CSMD1: variants seen among roughly 807,000 people sequenced by gnomAD.
CSMD1 encodes the protein CUB and Sushi multiple domains 1.
A neutral mutation model predicts 417.5 loss-of-function variants in CSMD1; 213 were observed. The observed-to-expected ratio is 0.51, with a 90% CI of 0.46 to 0.57. CSMD1 has a LOEUF of 0.57. CSMD1 is among the 20% of genes least tolerant of loss of function. The probability of loss-of-function intolerance (pLI) is 0.00; values close to 1 mark genes in which losing one functional copy is unlikely to be tolerated. For missense variants in CSMD1, 6,923 were observed against 4,529.7 expected, an observed-to-expected ratio of 1.53 and a Z score of -15.17; for synonymous variants, 2,862 against 1,736.8, an observed-to-expected ratio of 1.65 and a Z score of -16.11.
At chr8:4,018,429 T>A (rs987041346) in intron 4 of CSMD1, among the ~76,000 whole-genome samples, 2 of 152,268 alleles carry the variant, frequency 1.3e-5, no homozygotes, top group African/African-American at 4.8e-5. Flanking sequence ...CAGTTTGCAA[T>A]CTCTGAGTAG....
intron 2 of CSMD1, among the ~76,000 whole-genome samples, chr8:4,431,387 G>A (rs1050924618): frequency 3.9e-5 from 6 of 152,110 alleles, no homozygotes; most frequent in African/African-American, 1.4e-4. Context: ...ATTGCACTTA[G>A]AACCATACGC....
intron 2 of CSMD1, among the ~76,000 whole-genome samples, chr8:4,470,003 G>A (rs968585459): frequency 2.6e-5 from 4 of 151,918 alleles, no homozygotes; most frequent in African/African-American, 9.7e-5. Flanking sequence ...GAGTAGCTGG[G>A]ATTACAGGCG....
chr8:4,149,833 T>C (rs1436170549), intron 3 of CSMD1, among the ~76,000 whole-genome samples: 1 of 152,216 alleles, frequency 6.6e-6, no homozygotes, highest in Non-Finnish European at 1.5e-5. Flanking sequence ...TTTAATTGGT[T>C]CATTCTCTTT....
At chr8:4,068,554 G>A (rs1442338086) in intron 3 of CSMD1, among the ~76,000 whole-genome samples, 1 of 152,180 alleles carries the variant, frequency 6.6e-6, no homozygotes. Flanking sequence ...TGTATCCTCT[G>A]GAGGCCACTG....
At position 4,492,257 on chromosome 8, in the gene CSMD1, C is replaced by T. The variant is rs111827417; in HGVS notation, c.303-72192G>A. On this transcript the variant is annotated intron_variant, in intron 2 of 69. Transcript: ENST00000635120. Reference sequence around the variant, plus strand: ...GGCATATGTGAGCATGCTCAGCTAACGATTTAATGTTTTGTCTACACGGGA... The same window carrying T: ...GGCATATGTGAGCATGCTCAGCTAATGATTTAATGTTTTGTCTACACGGGA... Among the ~76,000 whole-genome samples, 842 of 152,142 alleles carry T rather than the reference C, an allele frequency of 5.5e-3. 10 individuals carry two copies. The highest frequency in any genetic ancestry group is 0.018 in the African/African-American group (757 of 41,492).
chr8:4,359,118 G>A (rs1009395033), intron 3 of CSMD1, among the ~76,000 whole-genome samples: 1 of 152,152 alleles, frequency 6.6e-6, no homozygotes, highest in Non-Finnish European at 1.5e-5. Flanking sequence ...TACTAGGGTA[G>A]AAATTTAGAA....
At chr8:3,237,666 A>G (rs1343132392) in intron 26 of CSMD1, among the ~76,000 whole-genome samples, 1 of 122,826 alleles carries the variant, frequency 8.1e-6, no homozygotes, top group African/African-American at 2.8e-5. Context: ...TATACTATAA[A>G]TATAATTTTT....
chr8:4,690,854 G>A (rs1308888794), intron 1 of CSMD1, among the ~76,000 whole-genome samples: 6 of 152,082 alleles, frequency 3.9e-5, no homozygotes, highest in African/African-American at 9.7e-5. Flanking sequence ...TCAGCCTCCT[G>A]AGCAGCTGGG....
intron 7 of CSMD1, among the ~76,000 whole-genome samples, chr8:3,678,527 T>A (rs1023181200): frequency 6.6e-6 from 1 of 152,106 alleles, no homozygotes; most frequent in Non-Finnish European, 1.5e-5. Context: ...CCAAGAAATA[T>A]GGGACTATGT....
At chr8:4,627,017 G>A (rs1049044784) in intron 2 of CSMD1, among the ~76,000 whole-genome samples, 1 of 152,132 alleles carries the variant, frequency 6.6e-6, no homozygotes, top group Non-Finnish European at 1.5e-5. Context: ...CATACTCTAA[G>A]TAATATTATA....
At chr8:4,284,030 C>G (rs567721108) in intron 3 of CSMD1, among the ~76,000 whole-genome samples, 1 of 152,012 alleles carries the variant, frequency 6.6e-6, no homozygotes, top group Non-Finnish European at 1.5e-5. Flanking sequence ...GTCAGGAATT[C>G]GAAACCAGGC....
chr8:3,026,967 G>A (rs1809977352), intron 51 of CSMD1, among the ~76,000 whole-genome samples: 1 of 152,032 alleles, frequency 6.6e-6, no homozygotes, highest in African/African-American at 2.4e-5. Context: ...ATAAAAAGAG[G>A]AGAAAGCGGC....
At chr8:3,948,588 C>T (rs1030188578) in intron 5 of CSMD1, among the ~76,000 whole-genome samples, 2 of 152,014 alleles carry the variant, frequency 1.3e-5, no homozygotes, top group Admixed American at 6.5e-5. Context: ...TCATGATAAA[C>T]GATGAACGTG....
chr8:3,960,838 G>A (rs937082281), intron 5 of CSMD1, among the ~76,000 whole-genome samples: 2 of 151,724 alleles, frequency 1.3e-5, no homozygotes, highest in African/African-American at 2.4e-5. Flanking sequence ...CCTTGCAATC[G>A]TAACATTGTC....
At chr8:3,994,670 T>G (rs1423998392) in intron 5 of CSMD1, among the ~76,000 whole-genome samples, 1 of 152,176 alleles carries the variant, frequency 6.6e-6, no homozygotes, top group African/African-American at 2.4e-5. Context: ...CCTATGAGGC[T>G]TAAATTACGA....
intron 3 of CSMD1, among the ~76,000 whole-genome samples, chr8:4,038,671 G>A (rs1189731010): frequency 6.6e-6 from 1 of 152,104 alleles, no homozygotes; most frequent in Non-Finnish European, 1.5e-5. Flanking sequence ...TATTTCCTGA[G>A]CCATTTACAC....
At chr8:3,623,867 C>T (rs984726507) in intron 7 of CSMD1, among the ~76,000 whole-genome samples, 2 of 152,050 alleles carry the variant, frequency 1.3e-5, no homozygotes, top group African/African-American at 4.8e-5. Flanking sequence ...ATCCCAGCTA[C>T]TCTGGAGGCT....
chr8:3,730,695 C>A (rs1802793797), intron 6 of CSMD1, among the ~76,000 whole-genome samples: 1 of 152,158 alleles, frequency 6.6e-6, no homozygotes, highest in Non-Finnish European at 1.5e-5. Flanking sequence ...CCAAAAGGCA[C>A]CTTGTTTATT....
chr8:4,006,443 C>G (rs1159732108), intron 4 of CSMD1, among the ~76,000 whole-genome samples: 1 of 152,116 alleles, frequency 6.6e-6, no homozygotes, highest in Admixed American at 6.5e-5. Context: ...TCTTGGGAGG[C>G]TGAGGCCGAA....
Sources: allele counts gnomAD v4.1 joint callset (sites outside exome capture counted in the v4.1 genomes callset), GRCh38; gene constraint gnomAD v4.1.1; transcripts MANE v1.5; gene names NCBI Gene and HGNC (gene_info 2026-07-23, HGNC 2026-07-21).